GOLM2: variants seen among roughly 807,000 people sequenced by gnomAD.
The protein encoded by GOLM2 is golgi membrane protein 2.
GOLM2 carries 26 observed loss-of-function variants against 55.9 expected under a neutral mutation model. The observed-to-expected ratio is 0.47, with a 90% confidence interval of 0.34 to 0.65. GOLM2 has a LOEUF of 0.65. GOLM2 is among the 30% of genes least tolerant of loss of function. The pLI, the probability that GOLM2 is intolerant of heterozygous loss-of-function variation, is 0.01. For synonymous variants in GOLM2, 165 were observed against 194.6 expected (o/e 0.85, Z 1.27); for missense variants, 486 against 531.8 (o/e 0.91, Z 0.85).
At position 44,288,777 on chromosome 15, in the gene GOLM2, G is replaced by T. The variant is rs982006160; in HGVS notation, c.-253G>T. On this transcript the variant is annotated 5_prime_UTR_variant, in exon 1 of 10. Coordinates refer to ENST00000299957, the MANE Select transcript of GOLM2 (RefSeq NM_138423.4). ...GGACGCTGGCAGCTGGGTTCTCCCG[G>T]TTCCCTTGGGCAGGTGCAGGGTCGG... 8 of 513,962 alleles carry T rather than the reference G, an allele frequency of 1.6e-5. No individual in the cohort carries two copies. In the Admixed American group the frequency reaches 2.6e-4, roughly 17 times the overall value. 31.8% of individuals were successfully genotyped at this position (513,962 alleles called of 1,614,324 possible).
intron 6 of GOLM2, among the ~76,000 whole-genome samples, chr15:44,352,244 T>C (rs1350400436): frequency 1.3e-5 from 2 of 152,038 alleles, no homozygotes; most frequent in Admixed American, 6.5e-5. Context: ...TGAAACAGAA[T>C]AGAGAACCTA....
intron 3 of GOLM2, among the ~76,000 whole-genome samples, 174 bp downstream of exon 3, chr15:44,328,961 T>G (rs1403580605): frequency 6.6e-6 from 1 of 152,240 alleles, no homozygotes; most frequent in Non-Finnish European, 1.5e-5. Context: ...AAATCCAGAC[T>G]CTTTTATTTT....
chr15:44,301,490 A>G (rs151315345), intron 1 of GOLM2, among the ~76,000 whole-genome samples: 3 of 152,332 alleles, frequency 2.0e-5, no homozygotes, highest in Non-Finnish European at 4.4e-5. Flanking sequence ...TGCATATCAC[A>G]TAGTGAATGA....
chr15:44,382,655 C>A (rs2079411652), intron 8 of GOLM2, among the ~76,000 whole-genome samples: 1 of 151,914 alleles, frequency 6.6e-6, no homozygotes, highest in Admixed American at 6.6e-5. Context: ...TATATTTATT[C>A]TATACATTTT....
chr15:44,305,212 C>A (rs2078828210), intron 1 of GOLM2, among the ~76,000 whole-genome samples: 1 of 152,054 alleles, frequency 6.6e-6, no homozygotes, highest in Admixed American at 6.6e-5. Flanking sequence ...GTTATCCAGG[C>A]TGGTCTCAAA....
intron 2 of GOLM2, 86 bp downstream of exon 2, chr15:44,323,105 T>C (rs2078962005): frequency 1.2e-6 from 1 of 862,368 alleles, no homozygotes; most frequent in South Asian, 1.8e-5. Flanking sequence ...TAAATTAGCC[T>C]AGTGAAATAC....
chr15:44,397,533 T>C (rs1222228955), intron 8 of GOLM2, among the ~76,000 whole-genome samples: 9 of 125,542 alleles, frequency 7.2e-5, no homozygotes, highest in African/African-American at 2.8e-4. Context: ...CACACACACA[T>C]CATAGATTTA....
intron 3 of GOLM2, among the ~76,000 whole-genome samples, chr15:44,329,742 A>AT (rs535791839): frequency 3.8e-4 from 58 of 152,050 alleles, no homozygotes; most frequent in Non-Finnish European, 7.6e-4. Context: ...TCTGAAAAAA[A>AT]TTTTTAAAAA....
intron 8 of GOLM2, among the ~76,000 whole-genome samples, chr15:44,385,042 TA>T (rs139139545): frequency 0.011 from 1,740 of 152,322 alleles, 42 homozygotes; most frequent in African/African-American, 0.04. Context: ...TATGGCTGGA[TA>T]ATATTCAGTT....
At chr15:44,337,565 A>G (rs1345591716) in intron 4 of GOLM2, among the ~76,000 whole-genome samples, 198 bp from the exon 5 acceptor site, 1 of 152,140 alleles carries the variant, frequency 6.6e-6, no homozygotes, top group Non-Finnish European at 1.5e-5. Context: ...GAGATTTTCA[A>G]AAGTGTTATT....
At chr15:44,411,658 G>C (rs1198088300) in intron 9 of GOLM2, among the ~76,000 whole-genome samples, 2 of 151,634 alleles carry the variant, frequency 1.3e-5, no homozygotes, top group East Asian at 3.9e-4. Context: ...TGGCCAACAT[G>C]GTGAAACTAA....
intron 6 of GOLM2, among the ~76,000 whole-genome samples, chr15:44,375,958 C>A (rs762475637): frequency 3.9e-5 from 6 of 151,962 alleles, no homozygotes; most frequent in Non-Finnish European, 7.4e-5. Context: ...TATGTTGGGC[C>A]GGATGTGGTG....
At chr15:44,383,073 CTTAAT>C (rs1376313761) in intron 8 of GOLM2, among the ~76,000 whole-genome samples, 18 of 150,784 alleles carry the variant, frequency 1.2e-4, no homozygotes, top group African/African-American at 4.4e-4. Context: ...TTCCTTTTTA[CTTAAT>C]TTAAATTTTT....
At chr15:44,297,710 C>G (rs1365875790) in intron 1 of GOLM2, among the ~76,000 whole-genome samples, 1 of 150,502 alleles carries the variant, frequency 6.6e-6, no homozygotes. Flanking sequence ...TACAGGCACC[C>G]GCCACCAGGC....
chr15:44,320,467 T>A (rs1486669888), intron 1 of GOLM2, among the ~76,000 whole-genome samples: 2 of 152,070 alleles, frequency 1.3e-5, no homozygotes, highest in African/African-American at 2.4e-5. Flanking sequence ...CCTGGCTAAT[T>A]TCATTTTTTA....
intron 8 of GOLM2, among the ~76,000 whole-genome samples, chr15:44,397,490 A>AC (rs1293478747): frequency 6.7e-6 from 1 of 148,656 alleles, no homozygotes; most frequent in Non-Finnish European, 1.5e-5. Context: ...AAAAAAAAAA[A>AC]AAAAAAAAAA....
intron 8 of GOLM2, among the ~76,000 whole-genome samples, chr15:44,389,808 G>T (rs1397808622): frequency 6.6e-6 from 1 of 152,036 alleles, no homozygotes; most frequent in Non-Finnish European, 1.5e-5. Context: ...TCAGCCTCCT[G>T]AATAGCTGGG....
intron 6 of GOLM2, among the ~76,000 whole-genome samples, chr15:44,346,910 G>A (rs1294352985): frequency 6.6e-6 from 1 of 152,122 alleles, no homozygotes; most frequent in African/African-American, 2.4e-5. Flanking sequence ...CAAGAGGATT[G>A]CTTGAGGCCA....
intron 5 of GOLM2, 112 bp from the exon 6 acceptor site, chr15:44,338,125 G>GTTCA: frequency 9.5e-7 from 1 of 1,056,944 alleles, no homozygotes; most frequent in Non-Finnish European, 1.4e-6. Flanking sequence ...AGGTAAAGAT[G>GTTCA]TTCAGTTGAT....
Sources: gnomAD v4.1 joint callset for allele counts (sites outside exome capture counted in the v4.1 genomes callset) on GRCh38, gnomAD v4.1.1 for gene constraint, MANE v1.5 for transcripts, NCBI Gene and HGNC (gene_info 2026-07-23, HGNC 2026-07-21) for gene names.